Variants in KLHL32 observed in about 807,000 individuals in gnomAD.
KLHL32 encodes kelch like family member 32, also known as kelch-like protein 32.
KLHL32 carries 35 observed loss-of-function variants against 64.8 expected under a neutral mutation model. That is an observed-to-expected ratio of 0.54 (90% CI 0.41 to 0.72). The LOEUF (loss-of-function observed/expected upper bound fraction) is 0.72, where lower values mean the gene tolerates loss of function less well. Among genes scored for constraint, KLHL32 ranks in the 30% least tolerant of loss-of-function variants. The pLI, the probability that KLHL32 is intolerant of heterozygous loss-of-function variation, is 0.00. For synonymous variants in KLHL32, 259 were observed against 281.0 expected (o/e 0.92, Z 0.78); for missense variants, 589 against 768.5 (o/e 0.77, Z 2.76).
chr6:97,114,008 C>T lies in KLHL32; in HGVS notation c.853C>T (p.Arg285Ter). The change falls in exon 7 of 11, where the codon CGA (arginine) becomes TGA (stop). Residue 285 changes from arginine (R) to a stop codon, truncating the protein, a stop_gained. Transcript: ENST00000369261. LOFTEE classifies it high-confidence loss of function. ...CTGGCAGACTCGCAGGACCAAACCACGATTCCAGTCAGACACTCTGTATAT... is the reference window on the plus strand; with the variant it reads ...CTGGCAGACTCGCAGGACCAAACCATGATTCCAGTCAGACACTCTGTATAT... Reference protein sequence around the residue: ...PVWQTRRTKPRFQSDTLYIIG... With the variant: ...PVWQTRRTKP 1.9e-6 allele frequency: 3 copies of T among 1,614,210 alleles called. No individual in the cohort carries two copies. The highest frequency in any genetic ancestry group is 2.5e-6 in the Non-Finnish European group (3 of 1,180,044).
rs576105433 is a variant in KLHL32, at chr6:96,965,318, C to T, written c.-65-1678C>T. 8.5e-5 allele frequency among the ~76,000 whole-genome samples: 13 copies of T among 152,230 alleles called. No homozygotes were observed. In the East Asian group the frequency reaches 1.5e-3, roughly 18 times the overall value. On this transcript the variant is annotated intron_variant, in intron 1 of 10. Coordinates refer to ENST00000369261, the MANE Select transcript of KLHL32 (RefSeq NM_052904.4). ...TTCCCCTAAGCTTTGTAGTATATAG[C>T]GGATTATGATTCAACAATTTTAGAA... is the stretch of plus-strand genomic sequence containing the variant.
intron 1 of KLHL32, among the ~76,000 whole-genome samples, chr6:96,933,845 G>A (rs765010853): frequency 4.6e-5 from 7 of 152,182 alleles, no homozygotes; most frequent in Non-Finnish European, 1.0e-4. Context: ...ATCTCTCACT[G>A]TTATTGCTTC....
At chr6:97,117,260 T>G (rs1451246230) in intron 7 of KLHL32, among the ~76,000 whole-genome samples, 1 of 152,206 alleles carries the variant, frequency 6.6e-6, no homozygotes, top group Admixed American at 6.5e-5. Context: ...CCTTATCCTT[T>G]ACCAAGTAAT....
chr6:97,002,983 A>G (rs577949847), intron 3 of KLHL32, among the ~76,000 whole-genome samples: 1 of 152,234 alleles, frequency 6.6e-6, no homozygotes, highest in Admixed American at 6.5e-5. Context: ...ATGGTAGAAA[A>G]TATATATATT....
intron 3 of KLHL32, among the ~76,000 whole-genome samples, chr6:97,008,945 T>G (rs1379852164): frequency 1.3e-5 from 2 of 152,110 alleles, no homozygotes; most frequent in African/African-American, 4.8e-5. Flanking sequence ...GGATAATTAA[T>G]TAGAAGGGCA....
chr6:96,924,505 G>A (rs1393161632), upstream of KLHL32: 1 of 149,960 alleles, frequency 6.7e-6, no homozygotes, highest in African/African-American at 2.4e-5. Flanking sequence ...GAGCGAGCGC[G>A]CTGGCGGCGG....
At chr6:96,934,986 A>C (rs1274490223) in intron 1 of KLHL32, among the ~76,000 whole-genome samples, 1 of 152,220 alleles carries the variant, frequency 6.6e-6, no homozygotes, top group Non-Finnish European at 1.5e-5. Context: ...TGTGCTTTTG[A>C]ATATTAGGCA....
intron 4 of KLHL32, among the ~76,000 whole-genome samples, chr6:97,043,159 T>G (rs962195425): frequency 3.3e-5 from 5 of 152,254 alleles, no homozygotes; most frequent in Admixed American, 2.6e-4. Flanking sequence ...CAAATAAACC[T>G]CTTTCTTATA....
At chr6:96,969,561 G>C (rs1201769347) in intron 2 of KLHL32, among the ~76,000 whole-genome samples, 2 of 152,118 alleles carry the variant, frequency 1.3e-5, no homozygotes, top group Admixed American at 1.3e-4. Flanking sequence ...GTGGAGACTA[G>C]TTCCACAAAA....
chr6:96,937,149 C>G (rs1040580967), intron 1 of KLHL32, among the ~76,000 whole-genome samples: 1 of 152,128 alleles, frequency 6.6e-6, no homozygotes. Context: ...AAATGTATAG[C>G]GTTCTGTAGC....
In KLHL32 at chr6:96,929,689, C is replaced by A. The variant is rs190195539; in HGVS notation, c.-66+4663C>A. Among the ~76,000 whole-genome samples, 8 of 152,120 alleles carry A rather than the reference C, an allele frequency of 5.3e-5. No individual in the cohort carries two copies. In the East Asian group the frequency reaches 1.5e-3, roughly 29 times the overall value. On this transcript the variant is annotated intron_variant, in intron 1 of 10. Coordinates refer to ENST00000369261, the MANE Select transcript of KLHL32 (RefSeq NM_052904.4). ...TTCTTCATATTTCTTTTGTTCTTTC[C>A]CTATTTCGTATACACATTGCAATGC...
At chr6:97,023,045 A>G (rs781709575) in intron 3 of KLHL32, among the ~76,000 whole-genome samples, 10 of 152,232 alleles carry the variant, frequency 6.6e-5, no homozygotes, top group Non-Finnish European at 1.3e-4. Context: ...TCATGAGAAC[A>G]TCATGGGGGA....
chr6:96,954,043 C>T (rs537235662), intron 1 of KLHL32, among the ~76,000 whole-genome samples: 1 of 152,202 alleles, frequency 6.6e-6, no homozygotes, highest in Non-Finnish European at 1.5e-5. Flanking sequence ...ACTTCCTTCA[C>T]TATCACCTGA....
chr6:96,994,438 A>T, intron 3 of KLHL32: 2 of 918,064 alleles, frequency 2.2e-6, no homozygotes, highest in Non-Finnish European at 2.6e-6. Flanking sequence ...TTTTAGTGTG[A>T]TATGTTCAAG....
chr6:96,976,037 G>A lies in KLHL32; in HGVS notation c.64G>A (p.Glu22Lys), dbSNP rs757037434. 7.5e-6 allele frequency: 12 copies of A among 1,594,848 alleles called. No individual in the cohort carries two copies. Among genetic ancestry groups the A allele is most frequent in the Middle Eastern group, 3.4e-4 (2 of 5,808 alleles). Residue 22 changes from glutamate to lysine, a missense_variant, in exon 3 of 11, where the codon GAA (glutamate) becomes AAA (lysine). Glu to Lys is a moderately conservative substitution (Grantham distance 56, BLOSUM62 1). This residue lies in a region of KLHL32 where 191 missense variants were observed against 223.3 expected (regional missense o/e 0.86). Transcript: ENST00000369261. ...MLTGQRLCHS[E>K]SHNDSVLAAL... The stretch of plus-strand genomic sequence containing the variant: ...GACAGGCCAGAGGCTCTGCCACTCC[G>A]AATCTCACAATGACAGTGTCCTGGC...
chr6:96,988,338 A>C (rs1021811288), intron 3 of KLHL32, among the ~76,000 whole-genome samples: 1 of 152,188 alleles, frequency 6.6e-6, no homozygotes, highest in Non-Finnish European at 1.5e-5. Context: ...ATGCAGCCAA[A>C]AGACACATGA....
intron 10 of KLHL32, among the ~76,000 whole-genome samples, chr6:97,133,760 T>C (rs1261668145): frequency 1.3e-5 from 2 of 152,250 alleles, no homozygotes; most frequent in Admixed American, 6.5e-5. Flanking sequence ...ATTATTCATA[T>C]AGATGAAGTT....
chr6:97,007,933 G>A (rs1267037647), intron 3 of KLHL32, among the ~76,000 whole-genome samples: 3 of 152,212 alleles, frequency 2.0e-5, no homozygotes, highest in Non-Finnish European at 4.4e-5. Context: ...CTTCATCAAG[G>A]TGTTGGCAGT....
At chr6:97,132,823 GAA>G in intron 10 of KLHL32, 76 bp downstream of exon 10, 1 of 996,898 alleles carries the variant, frequency 1.0e-6, no homozygotes. Context: ...TGCTACTGAA[GAA>G]AGAGATATTT....
Sources: gnomAD v4.1 joint callset for allele counts (sites outside exome capture counted in the v4.1 genomes callset) on GRCh38, gnomAD v4.1.1 for gene constraint, gnomAD v4.1.1 regional missense constraint, MANE v1.5 for transcripts, NCBI Gene and HGNC (gene_info 2026-07-23, HGNC 2026-07-21) for gene names.